The following CNTLN variants were observed in gnomAD, a reference collection of about 807,000 sequenced individuals.
CNTLN encodes centlein, centrosomal protein.
In CNTLN, 212 loss-of-function variants were observed where a neutral mutation model predicts 180.0. That is an observed-to-expected ratio of 1.18 (90% CI 1.05 to 1.32). The LOEUF (loss-of-function observed/expected upper bound fraction) is 1.32. Among genes scored for constraint, CNTLN ranks in the 40% most tolerant of loss-of-function variants. The pLI, the probability that CNTLN is intolerant of heterozygous loss-of-function variation, is 0.00. For synonymous variants in CNTLN, 722 were observed against 563.1 expected (o/e 1.28, Z -3.99); for missense variants, 2,095 against 1,610.9 (o/e 1.30, Z -5.14).
At chr9:17,495,230 TA>T (rs900304194) in intron 25 of CNTLN, among the ~76,000 whole-genome samples, 27 of 146,240 alleles carry the variant, frequency 1.8e-4, no homozygotes, top group South Asian at 6.5e-4. Flanking sequence ...TTATACTTAT[TA>T]AAAAAAAAAA....
intron 12 of CNTLN, among the ~76,000 whole-genome samples, chr9:17,345,342 C>G (rs1821794579): frequency 6.6e-6 from 1 of 151,982 alleles, no homozygotes; most frequent in Non-Finnish European, 1.5e-5. Flanking sequence ...TTTTACATTG[C>G]TAGTGTATGG....
At chr9:17,207,077 T>C (rs1475409743) in intron 2 of CNTLN, among the ~76,000 whole-genome samples, 1 of 152,042 alleles carries the variant, frequency 6.6e-6, no homozygotes, top group Non-Finnish European at 1.5e-5. Flanking sequence ...GTGCGGTGTC[T>C]GACTCTGGAG....
At chr9:17,187,951 T>C (rs1238809391) in intron 2 of CNTLN, among the ~76,000 whole-genome samples, 1 of 150,530 alleles carries the variant, frequency 6.6e-6, no homozygotes, top group African/African-American at 2.4e-5. Flanking sequence ...TAAGGAATAA[T>C]TTAATATTTA....
chr9:17,213,858 C>A (rs1823519557), intron 2 of CNTLN, among the ~76,000 whole-genome samples: 1 of 152,124 alleles, frequency 6.6e-6, no homozygotes, highest in Non-Finnish European at 1.5e-5. Flanking sequence ...TCTGTTTTAT[C>A]AGACACCAGG....
intron 2 of CNTLN, among the ~76,000 whole-genome samples, chr9:17,149,782 G>A (rs1382217290): frequency 6.6e-6 from 1 of 152,040 alleles, no homozygotes; most frequent in East Asian, 1.9e-4. Flanking sequence ...CTCCCAAAGC[G>A]CTGGGATTAC....
At chr9:17,286,603 G>A (rs1401937283) in intron 6 of CNTLN, among the ~76,000 whole-genome samples, 85 of 137,368 alleles carry the variant, frequency 6.2e-4, no homozygotes, top group African/African-American at 2.5e-3. Context: ...GGGCAGTATG[G>A]CCATTTTCAC....
intron 13 of CNTLN, among the ~76,000 whole-genome samples, chr9:17,382,077 A>G (rs1825296199): frequency 2.0e-5 from 3 of 152,222 alleles, no homozygotes; most frequent in South Asian, 4.1e-4. Context: ...CTACCATAGT[A>G]TGATATAAAA....
At chr9:17,491,944 T>A (rs2442006) in intron 25 of CNTLN, among the ~76,000 whole-genome samples, 145,562 of 152,082 alleles carry the variant, frequency 0.96, 69,810 homozygotes, top group Middle Eastern at 1. Context: ...TCTCCTTGCA[T>A]CTCTGAAGCC....
chr9:17,442,027 G>A (rs1259801293), intron 18 of CNTLN, among the ~76,000 whole-genome samples: 1 of 152,124 alleles, frequency 6.6e-6, no homozygotes, highest in Admixed American at 6.5e-5. Context: ...ACTCCTGTAT[G>A]TATAGGAAGG....
intron 19 of CNTLN, among the ~76,000 whole-genome samples, chr9:17,460,518 C>T (rs1217138792): frequency 6.6e-6 from 1 of 151,680 alleles, no homozygotes; most frequent in Admixed American, 6.6e-5. Flanking sequence ...TCTCGTCAAC[C>T]TGGTCAAGGA....
chr9:17,187,637 C>T (rs1022496158), intron 2 of CNTLN, among the ~76,000 whole-genome samples: 11 of 151,776 alleles, frequency 7.2e-5, no homozygotes, highest in African/African-American at 2.4e-4. Context: ...TTCTTATTTT[C>T]CCCTTGCTTT....
chr9:17,296,647 T>C (rs956630818), intron 6 of CNTLN, among the ~76,000 whole-genome samples: 4 of 152,190 alleles, frequency 2.6e-5, no homozygotes, highest in African/African-American at 9.7e-5. Context: ...CATGCATGAT[T>C]ACTGTGGGTC....
the CNTLN span, among the ~76,000 whole-genome samples, chr9:17,527,092 G>A: frequency 2.0e-5 from 3 of 151,814 alleles, no homozygotes; most frequent in Non-Finnish European, 2.9e-5. Context: ...CATGTTGGCC[G>A]GGCTGGTCTT....
intron 12 of CNTLN, among the ~76,000 whole-genome samples, chr9:17,358,739 T>C (rs1408052995): frequency 6.6e-6 from 1 of 152,184 alleles, no homozygotes; most frequent in African/African-American, 2.4e-5. Context: ...AGGAATCTTG[T>C]ATATGAGCAC....
chr9:17,439,689 C>T (rs527753210), intron 18 of CNTLN, among the ~76,000 whole-genome samples: 1 of 152,268 alleles, frequency 6.6e-6, no homozygotes, highest in East Asian at 1.9e-4. Flanking sequence ...ATGTGTTCCC[C>T]CATAATTCAT....
In CNTLN at chr9:17,462,975, C is replaced by T. The variant is rs1212140481; in HGVS notation, c.3366C>T (p.Leu1122=). Residue 1122 remains leucine (L), a synonymous_variant, in exon 20 of 26, where the codon CTC becomes CTT. Coordinates refer to ENST00000380647, the MANE Select transcript of CNTLN (RefSeq NM_017738.4). ...ATGTGAAGACTTTGAAATTTGAACTCCTAGCAAAAGAAGAACACATAAAGG... is the reference window on the plus strand; with the variant it reads ...ATGTGAAGACTTTGAAATTTGAACTTCTAGCAAAAGAAGAACACATAAAGG... ...SSNVKTLKFE[L]LAKEEHIKEM... 1 of 1,585,218 alleles carries T rather than the reference C, an allele frequency of 6.3e-7. No individual in the cohort carries two copies. Among genetic ancestry groups the T allele is most frequent in the Non-Finnish European group, 8.6e-7 (1 of 1,168,802 alleles).
At chr9:17,160,280 T>C (rs1383952900) in intron 2 of CNTLN, among the ~76,000 whole-genome samples, 1 of 152,218 alleles carries the variant, frequency 6.6e-6, no homozygotes, top group Non-Finnish European at 1.5e-5. Context: ...GATTTTTCTT[T>C]TATATATCTT....
intron 23 of CNTLN, among the ~76,000 whole-genome samples, chr9:17,479,076 C>G (rs1459133307): frequency 6.6e-6 from 1 of 152,102 alleles, no homozygotes; most frequent in Non-Finnish European, 1.5e-5. Flanking sequence ...TAATTGGACC[C>G]TTTGTACACT....
intron 2 of CNTLN, chr9:17,168,596 T>C (rs942153981): frequency 1.3e-5 from 2 of 152,198 alleles, no homozygotes; most frequent in East Asian, 1.9e-4. Context: ...TTCGATTAAT[T>C]TGACAGTTGC....
Sources: allele counts gnomAD v4.1 joint callset (sites outside exome capture counted in the v4.1 genomes callset), GRCh38; gene constraint gnomAD v4.1.1; transcripts MANE v1.5; gene names NCBI Gene and HGNC (gene_info 2026-07-23, HGNC 2026-07-21).